The following ALK variants were observed in gnomAD, a reference collection of about 807,000 sequenced individuals.
The protein encoded by ALK is ALK tyrosine kinase receptor.
In ALK, 74 loss-of-function variants were observed where a neutral mutation model predicts 163.1. That is an observed-to-expected ratio of 0.45 (90% CI 0.38 to 0.55). The LOEUF (loss-of-function observed/expected upper bound fraction) is 0.55. ALK is among the 20% of genes least tolerant of loss of function. The pLI, the probability that ALK is intolerant of heterozygous loss-of-function variation, is 0.00. For synonymous variants in ALK, 960 were observed against 843.2 expected, an observed-to-expected ratio of 1.14 and a Z score of -2.40; for missense variants, 2,063 against 2,105.3, an observed-to-expected ratio of 0.98 and a Z score of 0.39.
intron 3 of ALK, among the ~76,000 whole-genome samples, chr2:29,569,871 C>T (rs1163694910): frequency 2.0e-5 from 3 of 152,228 alleles, no homozygotes; most frequent in Non-Finnish European, 2.9e-5. Flanking sequence ...CAGGTTGTCC[C>T]CCTTCCCTCC....
At chr2:29,665,266 C>A (rs547511409) in intron 3 of ALK, among the ~76,000 whole-genome samples, 4 of 152,014 alleles carry the variant, frequency 2.6e-5, no homozygotes, top group Non-Finnish European at 4.4e-5. Flanking sequence ...GGAATACAGG[C>A]GTGAACCACC....
chr2:29,677,116 C>T lies in ALK; in HGVS notation c.952+17734G>A, dbSNP rs1358039964. On this transcript the variant is annotated intron_variant, in intron 3 of 28. Transcript: ENST00000389048. ...ATTTTATCCTTTCCAATCTGTATAT[C>T]TGTATGTTTTTAGTTCCCTCCCTCC... Among the ~76,000 whole-genome samples, 10 of 151,856 alleles carry T rather than the reference C, an allele frequency of 6.6e-5. No homozygotes were observed. The South Asian group carries it at 2.1e-3, about 32-fold the overall frequency.
intron 1 of ALK, among the ~76,000 whole-genome samples, chr2:29,835,885 C>T (rs942148725): frequency 2.0e-5 from 3 of 152,154 alleles, no homozygotes; most frequent in Non-Finnish European, 2.9e-5. Context: ...ACTGTGAGTC[C>T]ATTAAACCTC....
chr2:29,356,792 G>A (rs776327392), intron 5 of ALK, among the ~76,000 whole-genome samples: 1 of 152,188 alleles, frequency 6.6e-6, no homozygotes, highest in Non-Finnish European at 1.5e-5. Flanking sequence ...CAGGGCTCTT[G>A]TGCAGCTGCA....
In ALK at chr2:29,831,655, A is replaced by G. The variant is rs559225704; in HGVS notation, c.667+88338T>C. On this transcript the variant is annotated intron_variant, in intron 1 of 28. Transcript: ENST00000389048. The stretch of plus-strand genomic sequence containing the variant: ...CTGGCCAGTGCAATGCCTTCTCAAG[A>G]TTCAACACCTAATAGTTAGCCTTGG... Among the ~76,000 whole-genome samples, 99 of 152,352 alleles carry G rather than the reference A, an allele frequency of 6.5e-4. 1 individual carries two copies. The highest frequency in any genetic ancestry group is 2.3e-3 in the African/African-American group (94 of 41,592).
rs902275025 is a variant in ALK, at chr2:29,296,992, G to A, written c.1713C>T (p.Asn571=). The A allele has an allele frequency of 8.1e-6, 13 of 1,614,078 alleles. No individual in the cohort carries two copies. In the African/African-American group the frequency reaches 1.6e-4, roughly 20 times the overall value. Residue 571 remains asparagine, a synonymous_variant, in exon 9 of 29, where the codon AAC becomes AAT. Coordinates refer to ENST00000389048, the MANE Select transcript of ALK (RefSeq NM_004304.5). ...RGNVSLVLVE[N]KTGKEQGRMV... ...TCCTGCCTTGCTCCTTCCCGGTTTT[G>A]TTCTCCACTAGCACCAAGGACACGT... is the stretch of plus-strand genomic sequence containing the variant.
At chr2:29,291,147 G>C (rs1666011435) in intron 9 of ALK, among the ~76,000 whole-genome samples, 1 of 152,130 alleles carries the variant, frequency 6.6e-6, no homozygotes, top group Non-Finnish European at 1.5e-5. Context: ...AGGATCACTT[G>C]AGGCCAGGAG....
Position 29,860,382 on chromosome 2 carries a change from A to C in ALK, c.667+59611T>G, listed in dbSNP as rs189755981. 7.7e-5 allele frequency among the ~76,000 whole-genome samples: 11 copies of C among 142,444 alleles called. No individual in the cohort carries two copies. The East Asian group carries it at 2.7e-3, about 35-fold the overall frequency. 93.4% of individuals were successfully genotyped at this position (142,444 alleles called of 152,430 possible). ...CCTGTAGCTAACTAAGGATTAGTTA[A>C]GGAAAGGGAGAAAAAAAAAAAAAAA... On this transcript the variant is annotated intron_variant, in intron 1 of 28. Coordinates refer to ENST00000389048, the MANE Select transcript of ALK (RefSeq NM_004304.5).
In ALK at chr2:29,921,472, CCGACCAGA is replaced by C; in HGVS notation, c.-821_-814del. On this transcript the variant is annotated 5_prime_UTR_variant, in exon 1 of 29. An upstream open reading frame in the 5' UTR gains an earlier in-frame stop. Transcript: ENST00000389048. Reference sequence around the variant, plus strand: ...CATCAGCGCCCGCGGCTTTGGGTGGCCGACCAGAGGGCGGCCGGAAAGCACCTCGGTGC... The same window carrying C: ...CATCAGCGCCCGCGGCTTTGGGTGGCGGGCGGCCGGAAAGCACCTCGGTGC... 1 of 232,130 alleles carries C rather than the reference CCGACCAGA, an allele frequency of 4.3e-6. No homozygotes were observed. The highest frequency in any genetic ancestry group is 8.5e-6 in the Non-Finnish European group (1 of 117,242). 14.4% of individuals were successfully genotyped at this position (232,130 alleles called of 1,614,324 possible).
chr2:29,228,374 G>A (rs1664077468), intron 16 of ALK, among the ~76,000 whole-genome samples: 1 of 152,212 alleles, frequency 6.6e-6, no homozygotes. Flanking sequence ...CGAGGCAGCT[G>A]GGGTCAATGG....
At chr2:29,910,163 T>C (rs1029473055) in intron 1 of ALK, among the ~76,000 whole-genome samples, 20 of 151,848 alleles carry the variant, frequency 1.3e-4, no homozygotes, top group African/African-American at 4.6e-4. Context: ...ATAAACATAA[T>C]GAAGATAGAA....
intron 4 of ALK, among the ~76,000 whole-genome samples, chr2:29,524,686 G>C (rs767660414): frequency 6.6e-6 from 1 of 152,222 alleles, no homozygotes; most frequent in Non-Finnish European, 1.5e-5. Flanking sequence ...GAGGGCTGTG[G>C]CTCTGTTGTT....
At chr2:29,409,892 T>G (rs570575541) in intron 4 of ALK, among the ~76,000 whole-genome samples, 1 of 152,316 alleles carries the variant, frequency 6.6e-6, no homozygotes, top group East Asian at 1.9e-4. Flanking sequence ...TTGCCTGCAC[T>G]CTGTGTGCCC....
At chr2:29,599,244 C>T (rs537469329) in intron 3 of ALK, among the ~76,000 whole-genome samples, 6 of 151,326 alleles carry the variant, frequency 4.0e-5, no homozygotes, top group Middle Eastern at 3.5e-3. Flanking sequence ...AATTGGAAGG[C>T]CTGTGCTGTA....
intron 4 of ALK, among the ~76,000 whole-genome samples, chr2:29,494,827 A>G (rs1671984729): frequency 7.0e-6 from 1 of 141,998 alleles, no homozygotes; most frequent in Non-Finnish European, 1.5e-5. Context: ...GAGAAGCTCA[A>G]AGCTCTTTAG....
intron 1 of ALK, among the ~76,000 whole-genome samples, chr2:29,918,087 G>A (rs1367687769): frequency 6.6e-6 from 1 of 152,144 alleles, no homozygotes; most frequent in African/African-American, 2.4e-5. Flanking sequence ...GACTTGAGTG[G>A]AGTATATTCT....
chr2:29,705,992 A>G (rs1234947020), intron 2 of ALK, among the ~76,000 whole-genome samples: 1 of 152,184 alleles, frequency 6.6e-6, no homozygotes, highest in Non-Finnish European at 1.5e-5. Flanking sequence ...TCCTCTCTCA[A>G]TATTTCCTTT....
chr2:29,679,675 G>A (rs775633714), intron 3 of ALK, among the ~76,000 whole-genome samples: 1 of 151,842 alleles, frequency 6.6e-6, no homozygotes, highest in Non-Finnish European at 1.5e-5. Flanking sequence ...CAACAATATA[G>A]TTTTATAATT....
Position 29,196,841 on chromosome 2 carries a change from A to G in ALK, c.4093T>C (p.Cys1365Arg), listed in dbSNP as rs1232528531. 1 of 1,613,914 alleles carries G rather than the reference A, an allele frequency of 6.2e-7. No individual in the cohort carries two copies. Among genetic ancestry groups the G allele is most frequent in the South Asian group, 1.1e-5 (1 of 91,074 alleles). Reference sequence around the variant, plus strand: ...CTGTCTTCAGGCTGATGTTGCCAGCACTGAGTCATTATCCGGTATCTAAAA... The same window carrying G: ...CTGTCTTCAGGCTGATGTTGCCAGCGCTGAGTCATTATCCGGTATCTAAAA... ...PGPVYRIMTQ[C>R]WQHQPEDRPN... The change falls in exon 28 of 29, where the codon TGC becomes CGC. Residue 1365 changes from cysteine (C) to arginine (R), a missense_variant. Physicochemically the swap from Cys to Arg is radical, Grantham distance 180. Around this residue, in one of 5 missense-constraint regions of ALK, gnomAD observed 403 missense variants for 366.2 expected, o/e 1.10. Transcript: ENST00000389048.
Sources: allele counts gnomAD v4.1 joint callset (sites outside exome capture counted in the v4.1 genomes callset), GRCh38; gene constraint gnomAD v4.1.1; regional missense constraint gnomAD v4.1.1; transcripts MANE v1.5; gene names NCBI Gene and HGNC (gene_info 2026-07-23, HGNC 2026-07-21).